The following NALF1 variants were observed in gnomAD, a reference collection of about 807,000 sequenced individuals.
NALF1 encodes the protein NALCN channel auxiliary factor 1, also known as family with sequence similarity 155 member A.
NALF1 carries 3 observed loss-of-function variants against 48.4 expected under a neutral mutation model. The observed-to-expected ratio is 0.06, with a 90% CI of 0.03 to 0.16. The LOEUF (loss-of-function observed/expected upper bound fraction) is 0.16, where lower values mean the gene tolerates loss of function less well. NALF1 is among the 10% of genes least tolerant of loss of function. NALF1 has a pLI of 1.00. For synonymous variants in NALF1, 262 were observed against 245.7 expected (o/e 1.07, Z -0.62); for missense variants, 526 against 571.5 (o/e 0.92, Z 0.81).
chr13:107,530,334 C>G (rs151131328), intron 1 of NALF1, among the ~76,000 whole-genome samples: 3 of 152,232 alleles, frequency 2.0e-5, no homozygotes, highest in Admixed American at 6.5e-5. Context: ...TATTTACTAC[C>G]TATATCCACC....
chr13:107,580,238 A>C (rs2138409804), intron 1 of NALF1, among the ~76,000 whole-genome samples: 1 of 152,318 alleles, frequency 6.6e-6, no homozygotes, highest in South Asian at 2.1e-4. Flanking sequence ...ATAGGTGGGA[A>C]TTGAACAATG....
chr13:107,492,820 G>C (rs1348665022), intron 1 of NALF1, among the ~76,000 whole-genome samples: 1 of 151,956 alleles, frequency 6.6e-6, no homozygotes, highest in Non-Finnish European at 1.5e-5. Context: ...GGTTCAATCA[G>C]AACTCCAAGG....
intron 1 of NALF1, among the ~76,000 whole-genome samples, chr13:107,353,344 T>C (rs911432066): frequency 5.3e-5 from 8 of 152,188 alleles, no homozygotes; most frequent in Admixed American, 1.3e-4. Flanking sequence ...CCCTAAACCA[T>C]TGCATTGGGA....
rs899289789 is a variant in NALF1 at position 107,309,265 on chromosome 13, T to C, written c.916-98510A>G. Among the ~76,000 whole-genome samples, 7 of 152,226 alleles carry C rather than the reference T, an allele frequency of 4.6e-5. No homozygotes were observed. In the East Asian group the frequency reaches 1.3e-3, roughly 29 times the overall value. On this transcript the variant is annotated intron_variant, in intron 1 of 2. Coordinates refer to ENST00000375915, the MANE Select transcript of NALF1 (RefSeq NM_001080396.3). ...TGCTTTCTCTGTACACAGAAGAGGT[T>C]AGAAACAAAAGACTTGGACAAAGTG...
chr13:107,563,761 T>G (rs9555372), intron 1 of NALF1, among the ~76,000 whole-genome samples: 1 of 152,206 alleles, frequency 6.6e-6, no homozygotes, highest in African/African-American at 2.4e-5. Context: ...CCAGCTGTTA[T>G]GTAATTTTGT....
At chr13:107,223,849 C>T (rs1880044141) in intron 1 of NALF1, among the ~76,000 whole-genome samples, 1 of 152,144 alleles carries the variant, frequency 6.6e-6, no homozygotes, top group Non-Finnish European at 1.5e-5. Flanking sequence ...TGCAAATGTG[C>T]TTAGGGCACA....
intron 1 of NALF1, among the ~76,000 whole-genome samples, chr13:107,348,371 C>T (rs1157798093): frequency 6.6e-6 from 1 of 152,058 alleles, no homozygotes; most frequent in Non-Finnish European, 1.5e-5. Flanking sequence ...TAACAAATAG[C>T]AATAATTGTG....
At chr13:107,742,497 CT>C (rs1157670372) in intron 1 of NALF1, among the ~76,000 whole-genome samples, 1 of 152,154 alleles carries the variant, frequency 6.6e-6, no homozygotes, top group African/African-American at 2.4e-5. Context: ...TTATAAGGGG[CT>C]TTCCCCCCTT....
At chr13:107,754,914 ACTT>A (rs1877050158) in intron 1 of NALF1, among the ~76,000 whole-genome samples, 1 of 152,130 alleles carries the variant, frequency 6.6e-6, no homozygotes, top group African/African-American at 2.4e-5. Context: ...AATGTTTAAA[ACTT>A]CTTTTCATGT....
intron 1 of NALF1, among the ~76,000 whole-genome samples, chr13:107,793,997 T>C (rs1013600938): frequency 7.9e-5 from 12 of 152,200 alleles, no homozygotes; most frequent in Non-Finnish European, 1.8e-4. Flanking sequence ...GACCTATTCA[T>C]TCTTACTTCA....
intron 1 of NALF1, among the ~76,000 whole-genome samples, chr13:107,570,734 CTGATA>C (rs1877963788): frequency 6.6e-6 from 1 of 151,582 alleles, no homozygotes; most frequent in Non-Finnish European, 1.5e-5. Flanking sequence ...AAATTATTAC[CTGATA>C]TATTTCACAG....
intron 1 of NALF1, among the ~76,000 whole-genome samples, chr13:107,487,372 T>G (rs1885345944): frequency 6.6e-6 from 1 of 152,166 alleles, no homozygotes; most frequent in African/African-American, 2.4e-5. Context: ...AATATATTGT[T>G]GATAAGGTAC....
intron 1 of NALF1, among the ~76,000 whole-genome samples, chr13:107,799,970 A>G (rs1342553805): frequency 6.6e-6 from 1 of 152,072 alleles, no homozygotes; most frequent in Non-Finnish European, 1.5e-5. Context: ...AAAGAAAAAA[A>G]TATTGAGAGA....
chr13:107,558,719 G>C (rs564612313), intron 1 of NALF1, among the ~76,000 whole-genome samples: 1 of 152,094 alleles, frequency 6.6e-6, no homozygotes, highest in Non-Finnish European at 1.5e-5. Context: ...GTTTCAGGGC[G>C]TTTCCCAGAG....
intron 1 of NALF1, among the ~76,000 whole-genome samples, chr13:107,460,550 A>C (rs922737103): frequency 2.0e-5 from 3 of 152,240 alleles, no homozygotes; most frequent in Non-Finnish European, 4.4e-5. Flanking sequence ...GAAGGTACAC[A>C]GGATTCTGTG....
intron 1 of NALF1, among the ~76,000 whole-genome samples, chr13:107,618,465 A>T (rs908814148): frequency 6.6e-6 from 1 of 152,166 alleles, no homozygotes; most frequent in South Asian, 2.1e-4. Context: ...ACTTATCCTA[A>T]TTTTTACCTT....
At chr13:107,597,294 T>C (rs1878780706) in intron 1 of NALF1, among the ~76,000 whole-genome samples, 1 of 152,180 alleles carries the variant, frequency 6.6e-6, no homozygotes, top group South Asian at 2.1e-4. Context: ...AAATGTGTAC[T>C]CGCACACGTA....
intron 1 of NALF1, among the ~76,000 whole-genome samples, chr13:107,705,888 A>G (rs1443155026): frequency 6.6e-6 from 1 of 152,010 alleles, no homozygotes; most frequent in East Asian, 1.9e-4. Flanking sequence ...ATTTATAGGC[A>G]TAAGAGAGGA....
At chr13:107,752,657 T>TGA (rs2138553964) in intron 1 of NALF1, among the ~76,000 whole-genome samples, 1 of 152,318 alleles carries the variant, frequency 6.6e-6, no homozygotes, top group East Asian at 1.9e-4. Context: ...CTTAAAAAGT[T>TGA]CCTTCTGAAG....
Sources: gnomAD v4.1 joint callset for allele counts (sites outside exome capture counted in the v4.1 genomes callset) on GRCh38, gnomAD v4.1.1 for gene constraint, MANE v1.5 for transcripts, NCBI Gene and HGNC (gene_info 2026-07-23, HGNC 2026-07-21) for gene names.